Variants in PSMG1 observed in about 807,000 individuals in gnomAD.
PSMG1 encodes the protein proteasome assembly chaperone 1.
PSMG1 carries 23 observed loss-of-function variants against 37.2 expected under a neutral mutation model. The observed-to-expected ratio is 0.62, with a 90% CI of 0.44 to 0.88. The LOEUF is 0.88. PSMG1 is among the 40% of genes least tolerant of loss of function. The pLI is 0.00. For synonymous variants in PSMG1, 127 were observed against 128.0 expected, an observed-to-expected ratio of 0.99 and a Z score of 0.05; for missense variants, 340 against 344.2, an observed-to-expected ratio of 0.99 and a Z score of 0.10.
rs181387292 is a variant in PSMG1, at chr21:39,182,630, T to C, written c.134+622A>G. Reference sequence around the variant, plus strand: ...AAGGCCATGATGACTGGAATTCGCTTAGGAGTGGCGGGAGAGAAAATAAAC... The same window carrying C: ...AAGGCCATGATGACTGGAATTCGCTCAGGAGTGGCGGGAGAGAAAATAAAC... On this transcript the variant is annotated intron_variant, in intron 1 of 6. Transcript: ENST00000331573. 4.6e-3 allele frequency among the ~76,000 whole-genome samples: 708 copies of C among 152,276 alleles called. 9 individuals carry two copies. Among genetic ancestry groups the C allele is most frequent in the African/African-American group, 0.017 (689 of 41,544 alleles).
chr21:39,182,408 C>A (rs1476634351), intron 1 of PSMG1, among the ~76,000 whole-genome samples: 1 of 152,122 alleles, frequency 6.6e-6, no homozygotes, highest in African/African-American at 2.4e-5. Flanking sequence ...CTAAATGTAA[C>A]CTGTGGACCC....
At chr21:39,177,980 TAATA>T (rs2030687547) in intron 5 of PSMG1, among the ~76,000 whole-genome samples, 2 of 152,170 alleles carry the variant, frequency 1.3e-5, no homozygotes, top group Non-Finnish European at 1.5e-5. Context: ...ACAGTTCATA[TAATA>T]AATAACAATT....
At chr21:39,177,619 A>G (rs780199493) in intron 5 of PSMG1, 48 bp from the exon 6 acceptor site, 11 of 1,396,836 alleles carry the variant, frequency 7.9e-6, no homozygotes, top group Non-Finnish European at 1.0e-5. Flanking sequence ...CTATTATGTT[A>G]CTTTTAAATT....
In PSMG1 at chr21:39,177,540, T is replaced by A; in HGVS notation, c.687A>T (p.Pro229=). 6.3e-7 allele frequency: 1 copy of A among 1,591,610 alleles called. No individual in the cohort carries two copies. Among genetic ancestry groups the A allele is most frequent in the Non-Finnish European group, 8.5e-7 (1 of 1,169,644 alleles). The part of the protein sequence containing the change: ...VLSYCQVWKI[P]AILYLCYTDV... ...CAGTATAACACAAGTACAGAATTGCTGGGATTTTCCATACTTGACAGTAGC... is the reference window on the plus strand; with the variant it reads ...CAGTATAACACAAGTACAGAATTGCAGGGATTTTCCATACTTGACAGTAGC... The change falls in exon 6 of 7, where the codon CCA becomes CCT. Residue 229 remains proline, a synonymous_variant. Coordinates refer to ENST00000331573, the MANE Select transcript of PSMG1 (RefSeq NM_003720.4).
At chr21:39,177,255 C>T (rs867939602) in intron 6 of PSMG1, among the ~76,000 whole-genome samples, 180 bp downstream of exon 6, 4 of 152,336 alleles carry the variant, frequency 2.6e-5, no homozygotes, top group Middle Eastern at 6.8e-3. Context: ...CGTCAAGTTA[C>T]AGACGTATAC....
chr21:39,183,098 G>A (rs2030924613), intron 1 of PSMG1, 154 bp downstream of exon 1: 2 of 970,266 alleles, frequency 2.1e-6, no homozygotes, highest in African/African-American at 1.7e-5. Flanking sequence ...GCGGCTTCAC[G>A]GAGACCCAGG....
At chr21:39,177,651 G>C (rs1485661474) in intron 5 of PSMG1, 80 bp from the exon 6 acceptor site, 1 of 1,158,712 alleles carries the variant, frequency 8.6e-7, no homozygotes, top group Non-Finnish European at 1.1e-6. Flanking sequence ...AATAATAAAG[G>C]CTGTTGTTAA....
Position 39,183,290 on chromosome 21 carries a change from G to C in PSMG1, c.96C>G (p.Pro32=), listed in dbSNP as rs371137353. 134 of 1,587,974 alleles carry C rather than the reference G, an allele frequency of 8.4e-5. 1 individual carries two copies. The highest frequency in any genetic ancestry group is 1.7e-4 in the Middle Eastern group (1 of 6,030). The change falls in exon 1 of 7, where the codon CCC becomes CCG. Residue 32 remains proline (P), a synonymous_variant. Coordinates refer to ENST00000331573, the MANE Select transcript of PSMG1 (RefSeq NM_003720.4). The part of the protein sequence containing the change: ...EEEEEGRRET[P]EDREVRLQLA... ...GCTGCAGACGCACCTCCCTGTCCTC[G>C]GGCGTCTCCCTCCGCCCCTCCTCCT...
chr21:39,175,489 A>G lies in PSMG1; in HGVS notation c.*101T>C. ...TTTTACAATTTTATTCCGTTTCATCATTCTCAAAATATATCCCCCAAAAGT... is the reference window on the plus strand; with the variant it reads ...TTTTACAATTTTATTCCGTTTCATCGTTCTCAAAATATATCCCCCAAAAGT... On this transcript the variant is annotated 3_prime_UTR_variant, in exon 7 of 7. Coordinates refer to ENST00000331573, the MANE Select transcript of PSMG1 (RefSeq NM_003720.4). 1 of 1,395,744 alleles carries G rather than the reference A, an allele frequency of 7.2e-7. No individual in the cohort carries two copies. The highest frequency in any genetic ancestry group is 9.4e-7 in the Non-Finnish European group (1 of 1,068,506). 86.5% of individuals were successfully genotyped at this position (1,395,744 alleles called of 1,614,324 possible).
intron 1 of PSMG1, 39 bp from the exon 2 acceptor site, chr21:39,181,917 T>C (rs2030842861): frequency 4.2e-6 from 6 of 1,424,358 alleles, no homozygotes; most frequent in South Asian, 4.0e-5. Context: ...GCAACTTCAA[T>C]ATAAACAGTA....
chr21:39,182,331 G>A (rs924267825), intron 1 of PSMG1, among the ~76,000 whole-genome samples: 1 of 152,166 alleles, frequency 6.6e-6, no homozygotes, highest in Non-Finnish European at 1.5e-5. Context: ...TGGGGGCACT[G>A]GACAAGACAA....
At chr21:39,177,315 CT>C (rs1469924895) in intron 6 of PSMG1, 119 bp downstream of exon 6, 2 of 1,030,452 alleles carry the variant, frequency 1.9e-6, no homozygotes, top group Non-Finnish European at 2.6e-6. Flanking sequence ...GAAAGCTTCG[CT>C]TTGAGAAGAA....
chr21:39,178,365 T>C, intron 5 of PSMG1, 84 bp downstream of exon 5: 1 of 1,262,862 alleles, frequency 7.9e-7, no homozygotes, highest in Non-Finnish European at 1.1e-6. Flanking sequence ...ATTAATAAAC[T>C]ACCTCAAAAA....
At chr21:39,182,609 C>T (rs537256079) in intron 1 of PSMG1, among the ~76,000 whole-genome samples, 1 of 152,212 alleles carries the variant, frequency 6.6e-6, no homozygotes, top group South Asian at 2.1e-4. Context: ...AGGTGAAAGG[C>T]CATGATGACT....
chr21:39,177,294 C>T (rs1165228068), intron 6 of PSMG1, 141 bp downstream of exon 6: 2 of 764,800 alleles, frequency 2.6e-6, no homozygotes, highest in Admixed American at 3.8e-5. Context: ...CAAATTCAAA[C>T]TGCCAGACTA....
At position 39,181,827 on chromosome 21, in the gene PSMG1, C is replaced by G. The variant is rs1163282312; in HGVS notation, c.186G>C (p.Leu62Phe). The change falls in exon 2 of 7, where the codon TTG becomes TTC. Residue 62 changes from leucine to phenylalanine, a missense_variant. Transcript: ENST00000331573. Reference protein sequence around the residue: ...RQTKTSLEVSLLEKYPCSKFI... With the variant: ...RQTKTSLEVSFLEKYPCSKFI... ...ACTTGGAGCACGGATATTTTTCTAG[C>G]AAAGAAACTTCCAAAGATGTTTTTG... 1.3e-6 allele frequency: 2 copies of G among 1,594,528 alleles called. No individual in the cohort carries two copies. Among genetic ancestry groups the G allele is most frequent in the Non-Finnish European group, 1.7e-6 (2 of 1,173,298 alleles).
chr21:39,181,032 A>G (rs1361752837), intron 2 of PSMG1, among the ~76,000 whole-genome samples: 1 of 152,222 alleles, frequency 6.6e-6, no homozygotes, highest in Non-Finnish European at 1.5e-5. Context: ...TTGTGTTCTC[A>G]AAGGAGTCTA....
At position 39,181,826 on chromosome 21, in the gene PSMG1, G is replaced by C. The variant is rs1472195730; in HGVS notation, c.187C>G (p.Leu63Val). 6.3e-7 allele frequency: 1 copy of C among 1,593,900 alleles called. No homozygotes were observed. The highest frequency in any genetic ancestry group is 8.5e-7 in the Non-Finnish European group (1 of 1,173,132). Reference sequence around the variant, plus strand: ...AACTTGGAGCACGGATATTTTTCTAGCAAAGAAACTTCCAAAGATGTTTTT... The same window carrying C: ...AACTTGGAGCACGGATATTTTTCTACCAAAGAAACTTCCAAAGATGTTTTT... ...QTKTSLEVSL[L>V]EKYPCSKFII... is the part of the protein sequence containing the mutation. The change falls in exon 2 of 7, where the codon CTA becomes GTA. Residue 63 changes from leucine (L) to valine (V), a missense_variant. Leu to Val is a conservative substitution (Grantham distance 32, BLOSUM62 1). Transcript: ENST00000331573.
chr21:39,182,907 G>C (rs2030910892), intron 1 of PSMG1, among the ~76,000 whole-genome samples: 1 of 152,106 alleles, frequency 6.6e-6, no homozygotes, highest in Non-Finnish European at 1.5e-5. Flanking sequence ...TGTGACAAGC[G>C]GGAAGATCAC....
Sources: gnomAD v4.1 joint callset for allele counts (sites outside exome capture counted in the v4.1 genomes callset) on GRCh38, gnomAD v4.1.1 for gene constraint, MANE v1.5 for transcripts, NCBI Gene and HGNC (gene_info 2026-07-23, HGNC 2026-07-21) for gene names.